KDM4C: variants seen among roughly 807,000 people sequenced by gnomAD.
The protein encoded by KDM4C is lysine-specific demethylase 4C.
A neutral mutation model predicts 129.3 loss-of-function variants in KDM4C; 81 were observed. The ratio of observed to expected loss-of-function variants is 0.63; its 90% CI spans 0.52 to 0.75. KDM4C has a LOEUF of 0.75. Among genes scored for constraint, KDM4C ranks in the 30% least tolerant of loss-of-function variants. KDM4C has a pLI of 0.00. For missense variants in KDM4C, 1,457 were observed against 1,304.0 expected (o/e 1.12, Z -1.81); for synonymous variants, 573 against 456.1 (o/e 1.26, Z -3.26).
chr9:7,169,961 C>T (rs756515189), intron 21 of KDM4C, 71 bp downstream of exon 21: 13 of 1,606,070 alleles, frequency 8.1e-6, no homozygotes, highest in Non-Finnish European at 1.1e-5. Context: ...GTTTCCCAAG[C>T]CCAGCAGGAA....
At chr9:7,086,631 G>T (rs1835147063) in intron 17 of KDM4C, among the ~76,000 whole-genome samples, 2 of 152,284 alleles carry the variant, frequency 1.3e-5, no homozygotes, top group African/African-American at 4.8e-5. Context: ...ATTGCCTTGA[G>T]TGTGTTCTCT....
intron 19 of KDM4C, among the ~76,000 whole-genome samples, chr9:7,158,051 C>T (rs1201718216): frequency 1.3e-5 from 2 of 152,266 alleles, no homozygotes; most frequent in East Asian, 1.9e-4. Context: ...TTGGTCTATT[C>T]AGTGATTTAA....
intron 19 of KDM4C, among the ~76,000 whole-genome samples, chr9:7,130,345 G>T (rs1452751425): frequency 6.6e-6 from 1 of 152,188 alleles, no homozygotes; most frequent in Non-Finnish European, 1.5e-5. Context: ...ATGCCAGTTT[G>T]AGGCTTTCCT....
intron 4 of KDM4C, among the ~76,000 whole-genome samples, chr9:6,825,124 C>G (rs28650076): frequency 0.29 from 38,158 of 132,328 alleles, 5,554 homozygotes; most frequent in East Asian, 0.61. Flanking sequence ...CCAGCCTGGG[C>G]AACCAGAGTG....
intron 18 of KDM4C, among the ~76,000 whole-genome samples, chr9:7,110,072 C>T (rs1318496234): frequency 6.6e-6 from 1 of 152,200 alleles, no homozygotes; most frequent in Non-Finnish European, 1.5e-5. Flanking sequence ...TACCTAGTCT[C>T]AGGCGGTTCT....
rs1019654346 is a variant in KDM4C, at chr9:6,955,850, C to T, written c.922-25075C>T. Among the ~76,000 whole-genome samples the T allele has an allele frequency of 5.3e-5, 8 of 152,300 alleles. No homozygotes were observed. The East Asian group carries it at 5.8e-4, about 11-fold the overall frequency. Reference sequence around the variant, plus strand: ...ACTAACCGCAGATGGAACACAGTGACGCTTTGTCTAGTACAAAATTGTTCT... The same window carrying T: ...ACTAACCGCAGATGGAACACAGTGATGCTTTGTCTAGTACAAAATTGTTCT... On this transcript the variant is annotated intron_variant, in intron 8 of 21. Coordinates refer to ENST00000381309, the MANE Select transcript of KDM4C (RefSeq NM_015061.6).
rs564274603 is a variant in KDM4C, at chr9:7,117,274, C to A, written c.2611-10792C>A. On this transcript the variant is annotated intron_variant, in intron 18 of 21. Coordinates refer to ENST00000381309, the MANE Select transcript of KDM4C (RefSeq NM_015061.6). ...TTGGTGGTACAGAAAATCTGTTAAA[C>A]TATTTAATTAGTCTGTTTTGCTTTG... 2.6e-5 allele frequency among the ~76,000 whole-genome samples: 4 copies of A among 152,104 alleles called. No individual in the cohort carries two copies. The South Asian group carries it at 8.3e-4, about 32-fold the overall frequency.
At chr9:6,980,260 A>C (rs559899475) in intron 8 of KDM4C, among the ~76,000 whole-genome samples, 2 of 152,210 alleles carry the variant, frequency 1.3e-5, no homozygotes, top group Non-Finnish European at 2.9e-5. Flanking sequence ...ACTGATAACT[A>C]TGTATTCATG....
intron 17 of KDM4C, among the ~76,000 whole-genome samples, chr9:7,101,147 G>A (rs1837037962): frequency 6.6e-6 from 1 of 152,106 alleles, no homozygotes; most frequent in South Asian, 2.1e-4. Flanking sequence ...TTGTCCCCAG[G>A]CATGATTCAT....
At chr9:7,144,559 C>T (rs796388938) in intron 19 of KDM4C, among the ~76,000 whole-genome samples, 4 of 152,352 alleles carry the variant, frequency 2.6e-5, no homozygotes, top group Non-Finnish European at 2.9e-5. Flanking sequence ...TTCCCATTCT[C>T]GTAGGGGAGA....
intron 21 of KDM4C, 132 bp from the exon 22 acceptor site, chr9:7,174,420 TG>T: frequency 1.3e-6 from 1 of 747,540 alleles, no homozygotes; most frequent in Non-Finnish European, 2.2e-6. Flanking sequence ...AAGCCATGCC[TG>T]GGGCCCTTTT....
rs1367667371 is a variant in KDM4C, at chr9:6,893,248, A to G, written c.921+16A>G. The G allele has an allele frequency of 6.3e-7, 1 of 1,593,886 alleles. No individual in the cohort carries two copies. The highest frequency in any genetic ancestry group is 2.3e-5 in the East Asian group (1 of 44,060). ...TGCCAAATTGGTAAGCTATGCCTCA[A>G]AAATAAAGCAAAAATTAAATGTGTA... is the stretch of plus-strand genomic sequence containing the variant. On this transcript the variant is annotated intron_variant, in intron 8 of 21. Transcript: ENST00000381309.
At chr9:6,899,486 A>AG (rs1817009074) in intron 8 of KDM4C, among the ~76,000 whole-genome samples, 1 of 151,976 alleles carries the variant, frequency 6.6e-6, no homozygotes, top group Non-Finnish European at 1.5e-5. Flanking sequence ...CTGACATTGT[A>AG]GTATCATACA....
chr9:6,901,944 A>G lies in KDM4C; in HGVS notation c.921+8712A>G, dbSNP rs559343870. Among the ~76,000 whole-genome samples, 119 of 152,320 alleles carry G rather than the reference A, an allele frequency of 7.8e-4. 1 individual carries two copies. The highest frequency in any genetic ancestry group is 2.8e-3 in the African/African-American group (116 of 41,566). On this transcript the variant is annotated intron_variant, in intron 8 of 21. Coordinates refer to ENST00000381309, the MANE Select transcript of KDM4C (RefSeq NM_015061.6). Reference sequence around the variant, plus strand: ...TAAGTATGGACCCCTGGCCCCACCAAAATCAGTAGGATTAGAATATCTGAG... The same window carrying G: ...TAAGTATGGACCCCTGGCCCCACCAGAATCAGTAGGATTAGAATATCTGAG...
At chr9:7,132,194 A>T (rs978690542) in intron 19 of KDM4C, among the ~76,000 whole-genome samples, 2 of 152,224 alleles carry the variant, frequency 1.3e-5, no homozygotes, top group African/African-American at 4.8e-5. Flanking sequence ...ACACAAATAG[A>T]GTCCCTTATG....
At chr9:6,854,736 A>G (rs1406632229) in intron 5 of KDM4C, among the ~76,000 whole-genome samples, 1 of 152,174 alleles carries the variant, frequency 6.6e-6, no homozygotes, top group Non-Finnish European at 1.5e-5. Context: ...ATTTTGTTAA[A>G]ATACTGTGTA....
chr9:6,826,266 A>G (rs1314917248), intron 4 of KDM4C, among the ~76,000 whole-genome samples: 4 of 150,770 alleles, frequency 2.7e-5, no homozygotes, highest in Admixed American at 6.6e-5. Context: ...TTGATAATCT[A>G]TAAGTATAAA....
At chr9:7,169,329 A>G (rs1844721882) in intron 20 of KDM4C, among the ~76,000 whole-genome samples, 1 of 151,982 alleles carries the variant, frequency 6.6e-6, no homozygotes, top group South Asian at 2.1e-4. Context: ...TTTTGTATTT[A>G]GTTTATTTAT....
At chr9:6,928,338 G>A (rs1243014598) in intron 8 of KDM4C, among the ~76,000 whole-genome samples, 2 of 152,220 alleles carry the variant, frequency 1.3e-5, no homozygotes, top group Middle Eastern at 3.4e-3. Context: ...TTATGTGGTC[G>A]TTTGTCTTCC....
Sources: allele counts gnomAD v4.1 joint callset (sites outside exome capture counted in the v4.1 genomes callset), GRCh38; gene constraint gnomAD v4.1.1; transcripts MANE v1.5; gene names NCBI Gene and HGNC (gene_info 2026-07-23, HGNC 2026-07-21).